The following GRIA3 variants were observed in gnomAD, a reference collection of about 807,000 sequenced individuals.
GRIA3 encodes the protein glutamate receptor 3.
GRIA3 carries 3 observed loss-of-function variants against 63.0 expected under a neutral mutation model. The observed-to-expected ratio is 0.05, with a 90% CI of 0.02 to 0.12. The LOEUF (loss-of-function observed/expected upper bound fraction) is 0.12. Among genes scored for constraint, GRIA3 ranks in the 10% least tolerant of loss-of-function variants. The pLI is 1.00. For synonymous variants in GRIA3, 274 were observed against 257.9 expected (o/e 1.06, Z -0.60); for missense variants, 347 against 700.9 (o/e 0.50, Z 5.70).
At chrX:123,198,752 C>T (rs1386635304) in intron 2 of GRIA3, among the ~76,000 whole-genome samples, 2 of 112,013 alleles carry the variant, frequency 1.8e-5, no homozygotes, top group Non-Finnish European at 3.8e-5. Flanking sequence ...GGACATGATC[C>T]CTTCTGATAT....
intron 5 of GRIA3, among the ~76,000 whole-genome samples, chrX:123,386,290 A>ATTTGTT (rs748795914): frequency 8.1e-5 from 9 of 111,021 alleles, no homozygotes; most frequent in African/African-American, 2.6e-4. Flanking sequence ...TAACGGGATT[A>ATTTGTT]TTTGTTTTTG....
chrX:123,293,151 C>T (rs1158018994), intron 3 of GRIA3, among the ~76,000 whole-genome samples: 1 of 110,550 alleles, frequency 9.0e-6, no homozygotes, highest in Admixed American at 9.7e-5. Flanking sequence ...TAGGTGGCCA[C>T]TAGACCCCTG....
At chrX:123,364,736 G>A (rs1354819278) in intron 5 of GRIA3, among the ~76,000 whole-genome samples, 1 of 112,479 alleles carries the variant, frequency 8.9e-6, no homozygotes, top group Non-Finnish European at 1.9e-5. Flanking sequence ...TGAACAAATG[G>A]ATAAAGGAAA....
chrX:123,391,965 C>T (rs1363457154), intron 5 of GRIA3, among the ~76,000 whole-genome samples: 1 of 111,775 alleles, frequency 8.9e-6, no homozygotes, highest in Admixed American at 9.4e-5. Flanking sequence ...ACAGTTTACT[C>T]AGGCACTGGG....
At chrX:123,321,707 C>T (rs913587324) in intron 3 of GRIA3, among the ~76,000 whole-genome samples, 4 of 112,029 alleles carry the variant, frequency 3.6e-5, no homozygotes, top group Non-Finnish European at 7.5e-5. Flanking sequence ...GATGCTATCC[C>T]TGTCATGAGA....
At chrX:123,424,088 C>A (rs946312758) in intron 11 of GRIA3, among the ~76,000 whole-genome samples, 1 of 112,118 alleles carries the variant, frequency 8.9e-6, no homozygotes, top group African/African-American at 3.2e-5. Flanking sequence ...ACAGCCATTT[C>A]ATTACGCTAA....
At chrX:123,318,462 T>C (rs1257412472) in intron 3 of GRIA3, among the ~76,000 whole-genome samples, 1 of 112,231 alleles carries the variant, frequency 8.9e-6, no homozygotes, top group African/African-American at 3.2e-5. Context: ...TTAAATGCTT[T>C]GCTGCTTAGA....
intron 3 of GRIA3, among the ~76,000 whole-genome samples, chrX:123,319,367 G>A (rs760541176): frequency 6.2e-5 from 7 of 112,135 alleles, no homozygotes; most frequent in South Asian, 3.8e-4. Flanking sequence ...TTCTCAGAAC[G>A]TATCCCCATC....
At chrX:123,245,920 T>G (rs2044356469) in intron 2 of GRIA3, among the ~76,000 whole-genome samples, 1 of 111,646 alleles carries the variant, frequency 9.0e-6, no homozygotes, top group Non-Finnish European at 1.9e-5. Flanking sequence ...GAAGGCAGCA[T>G]AGAGAGACTA....
rs778115304 is a variant in GRIA3 at position 123,427,525 on chromosome X, T to TA, written c.1878-408dup. On this transcript the variant is annotated intron_variant, in intron 11 of 15. Coordinates refer to ENST00000620443, the MANE Select transcript of GRIA3 (RefSeq NM_007325.5). ...TATTACCTGTGGAAGCAGGAGATGG[T>TA]AAAAAAAATATATATTTTTTCCTGT... is the stretch of plus-strand genomic sequence containing the variant. Among the ~76,000 whole-genome samples the TA allele has an allele frequency of 3.4e-3, 373 of 110,626 alleles. 2 individuals carry two copies. Among genetic ancestry groups the TA allele is most frequent in the Admixed American group, 9.0e-3 (93 of 10,380 alleles).
chrX:123,417,823 C>T, intron 11 of GRIA3, 45 bp downstream of exon 11: 3 of 1,085,510 alleles, frequency 2.8e-6, no homozygotes, highest in Non-Finnish European at 3.8e-6. Context: ...ATTTTATGGT[C>T]ATACTCCATT....
chrX:123,450,362 C>T (rs781068615), intron 12 of GRIA3, among the ~76,000 whole-genome samples: 173 of 112,404 alleles, frequency 1.5e-3, no homozygotes, highest in Non-Finnish European at 2.6e-3. Flanking sequence ...TCACTCAATT[C>T]ACTAGTTTTG....
intron 2 of GRIA3, among the ~76,000 whole-genome samples, chrX:123,194,702 G>A (rs1357565995): frequency 8.9e-6 from 1 of 111,974 alleles, no homozygotes; most frequent in East Asian, 2.8e-4. Flanking sequence ...ATTTTACCAA[G>A]GTCTATGGGC....
At chrX:123,404,244 AC>A (rs2045459124) in intron 9 of GRIA3, among the ~76,000 whole-genome samples, 1 of 111,115 alleles carries the variant, frequency 9.0e-6, no homozygotes, top group African/African-American at 3.3e-5. Flanking sequence ...TGTCTTAAGT[AC>A]TATACTAGGC....
At chrX:123,485,337 G>T (rs1331463629) in intron 15 of GRIA3, among the ~76,000 whole-genome samples, 1 of 111,742 alleles carries the variant, frequency 8.9e-6, no homozygotes, top group African/African-American at 3.3e-5. Flanking sequence ...GCTCATTTGA[G>T]ATAAGATGGA....
intron 2 of GRIA3, among the ~76,000 whole-genome samples, chrX:123,201,966 C>A (rs1927754502): frequency 8.9e-6 from 1 of 112,060 alleles, no homozygotes; most frequent in Admixed American, 9.5e-5. Context: ...AGCACATGGT[C>A]TTTCTTTGAT....
chrX:123,193,228 C>T (rs1014337272), intron 2 of GRIA3, among the ~76,000 whole-genome samples: 3 of 108,888 alleles, frequency 2.8e-5, no homozygotes, highest in African/African-American at 6.7e-5. Flanking sequence ...GCAGGTTCAG[C>T]GAGGAAGTAG....
intron 2 of GRIA3, among the ~76,000 whole-genome samples, chrX:123,212,386 T>C (rs1029950169): frequency 2.7e-5 from 3 of 112,290 alleles, no homozygotes; most frequent in Admixed American, 9.4e-5. Context: ...AAAAGTAATA[T>C]TGTGGTATCT....
chrX:123,386,263 G>A (rs1354554401), intron 5 of GRIA3, among the ~76,000 whole-genome samples: 1 of 111,637 alleles, frequency 9.0e-6, no homozygotes, highest in African/African-American at 3.2e-5. Flanking sequence ...TTCTATTCAT[G>A]TTCTTTGCCC....
Sources: gnomAD v4.1 joint callset for allele counts (sites outside exome capture counted in the v4.1 genomes callset) on GRCh38, gnomAD v4.1.1 for gene constraint, MANE v1.5 for transcripts, NCBI Gene and HGNC (gene_info 2026-07-23, HGNC 2026-07-21) for gene names.